The following DCDC1 variants were observed in gnomAD, a reference collection of about 807,000 sequenced individuals.
The protein encoded by DCDC1 is doublecortin domain-containing protein 1.
In DCDC1, 200 loss-of-function variants were observed where a neutral mutation model predicts 178.3. The observed-to-expected ratio is 1.12, with a 90% CI of 1.00 to 1.26. DCDC1 has a LOEUF of 1.26. Ranked by LOEUF, DCDC1 falls within the 50% of genes most tolerant of loss-of-function variation. DCDC1 has a pLI of 0.00. For missense variants in DCDC1, 1,983 were observed against 1,749.2 expected, an observed-to-expected ratio of 1.13 and a Z score of -2.38; for synonymous variants, 690 against 604.8, an observed-to-expected ratio of 1.14 and a Z score of -2.07.
At chr11:31,063,411 T>C (rs967151578) in intron 20 of DCDC1, among the ~76,000 whole-genome samples, 5 of 152,200 alleles carry the variant, frequency 3.3e-5, no homozygotes, top group Non-Finnish European at 5.9e-5. Context: ...GGTATGTTTA[T>C]TGCAGCACTA....
chr11:31,195,792 C>T (rs1031131186), intron 9 of DCDC1, among the ~76,000 whole-genome samples: 44 of 151,850 alleles, frequency 2.9e-4, no homozygotes, highest in African/African-American at 9.2e-4. Context: ...TCGTGTACCT[C>T]GTGCCTAACA....
At chr11:31,323,468 C>A (rs1196417413) in intron 3 of DCDC1, among the ~76,000 whole-genome samples, 1 of 152,082 alleles carries the variant, frequency 6.6e-6, no homozygotes, top group Non-Finnish European at 1.5e-5. Context: ...ACTCTTTAGC[C>A]CTTCATTATT....
At chr11:31,198,313 A>G (rs1404858464) in intron 9 of DCDC1, among the ~76,000 whole-genome samples, 2 of 152,064 alleles carry the variant, frequency 1.3e-5, no homozygotes, top group East Asian at 3.8e-4. Flanking sequence ...TATGGCAACA[A>G]CTTTAGTGAT....
chr11:31,250,984 A>G (rs1343736236), intron 8 of DCDC1, among the ~76,000 whole-genome samples: 2 of 151,718 alleles, frequency 1.3e-5, no homozygotes, highest in African/African-American at 4.8e-5. Context: ...CAATCTCTTG[A>G]CCTTGTGATC....
intron 15 of DCDC1, among the ~76,000 whole-genome samples, chr11:31,099,125 C>T (rs1958337371): frequency 6.6e-6 from 1 of 152,160 alleles, no homozygotes; most frequent in Non-Finnish European, 1.5e-5. Flanking sequence ...CTTTGAGGTC[C>T]TTTTCTCTGA....
intron 2 of DCDC1, among the ~76,000 whole-genome samples, chr11:31,329,215 G>T (rs1283528542): frequency 6.6e-6 from 1 of 151,976 alleles, no homozygotes; most frequent in South Asian, 2.1e-4. Context: ...CCATTGAGAT[G>T]AAGCCAAAAG....
chr11:31,360,938 T>A (rs1331768841), intron 1 of DCDC1, among the ~76,000 whole-genome samples: 1 of 152,168 alleles, frequency 6.6e-6, no homozygotes, highest in Non-Finnish European at 1.5e-5. Flanking sequence ...GGAGAGTAAT[T>A]AATACATTTG....
chr11:30,952,300 G>A (rs771245091), intron 21 of DCDC1, 145 bp downstream of exon 21: 7 of 619,604 alleles, frequency 1.1e-5, no homozygotes, highest in Non-Finnish European at 1.7e-5. Context: ...CTAATTAATT[G>A]ATAGAACAAC....
At chr11:31,057,026 G>A (rs1176256640) in intron 20 of DCDC1, among the ~76,000 whole-genome samples, 1 of 152,008 alleles carries the variant, frequency 6.6e-6, no homozygotes, top group Admixed American at 6.6e-5. Flanking sequence ...GAGGTCAGAA[G>A]TTGGAGACCA....
chr11:31,206,268 G>T (rs905828387), intron 9 of DCDC1, among the ~76,000 whole-genome samples: 1 of 152,162 alleles, frequency 6.6e-6, no homozygotes, highest in Non-Finnish European at 1.5e-5. Context: ...GTGGGAGGAG[G>T]AGACAATACG....
chr11:31,352,167 C>T (rs1951104753), intron 1 of DCDC1, among the ~76,000 whole-genome samples: 1 of 152,074 alleles, frequency 6.6e-6, no homozygotes, highest in Non-Finnish European at 1.5e-5. Flanking sequence ...GGCAGAGTGA[C>T]AAACGTAAGG....
intron 28 of DCDC1, among the ~76,000 whole-genome samples, chr11:30,910,079 C>T (rs1283582695): frequency 6.6e-6 from 1 of 152,160 alleles, no homozygotes; most frequent in Non-Finnish European, 1.5e-5. Flanking sequence ...TTTCAAGGGA[C>T]AGAAAAGGGT....
At chr11:30,900,040 A>G (rs551405760) in intron 33 of DCDC1, among the ~76,000 whole-genome samples, 1 of 152,194 alleles carries the variant, frequency 6.6e-6, no homozygotes, top group African/African-American at 2.4e-5. Flanking sequence ...AATTAAACTC[A>G]TTTGTTATTT....
chr11:31,285,070 T>C (rs1946718080), intron 7 of DCDC1, among the ~76,000 whole-genome samples: 1 of 152,106 alleles, frequency 6.6e-6, no homozygotes, highest in Non-Finnish European at 1.5e-5. Context: ...TTTTTCTTTT[T>C]GCTTTTTTTA....
intron 9 of DCDC1, among the ~76,000 whole-genome samples, chr11:31,228,684 T>C (rs566217056): frequency 1.5e-3 from 221 of 152,064 alleles, no homozygotes; most frequent in African/African-American, 4.8e-3. Flanking sequence ...AAATGAGAGG[T>C]TAGAAATTGC....
chr11:31,034,868 T>C (rs1340604048), intron 20 of DCDC1, among the ~76,000 whole-genome samples: 1 of 152,204 alleles, frequency 6.6e-6, no homozygotes, highest in Non-Finnish European at 1.5e-5. Context: ...CTTGTCTCAC[T>C]TTCATATATC....
intron 18 of DCDC1, among the ~76,000 whole-genome samples, chr11:31,071,142 T>C (rs1441753523): frequency 6.6e-6 from 1 of 152,168 alleles, no homozygotes; most frequent in Admixed American, 6.6e-5. Flanking sequence ...ATAAATAAAA[T>C]ATTGTTTTCT....
At chr11:31,307,067 G>A (rs1948509302) in intron 4 of DCDC1, among the ~76,000 whole-genome samples, 2 of 152,080 alleles carry the variant, frequency 1.3e-5, no homozygotes, top group Admixed American at 1.3e-4. Flanking sequence ...AATTTGTAAT[G>A]CCACAGAAGA....
At chr11:30,886,265 G>T (rs901583748) in intron 36 of DCDC1, among the ~76,000 whole-genome samples, 2 of 151,776 alleles carry the variant, frequency 1.3e-5, no homozygotes, top group East Asian at 1.9e-4. Flanking sequence ...TTCCTAAATA[G>T]AAAACAGAAT....
Sources: allele counts gnomAD v4.1 joint callset (sites outside exome capture counted in the v4.1 genomes callset), GRCh38; gene constraint gnomAD v4.1.1; transcripts MANE v1.5; gene names NCBI Gene and HGNC (gene_info 2026-07-23, HGNC 2026-07-21).